The following TEX9 variants were observed in gnomAD, a reference collection of about 807,000 sequenced individuals.
The protein encoded by TEX9 is testis expressed 9.
Under a neutral mutation model 59.6 loss-of-function variants are expected in TEX9, and 74 were observed. The observed-to-expected ratio is 1.24, with a 90% CI of 1.03 to 1.51. The LOEUF is 1.51. Ranked by LOEUF, TEX9 falls within the 40% of genes most tolerant of loss-of-function variation. The pLI, the probability that TEX9 is intolerant of heterozygous loss-of-function variation, is 0.00. For synonymous variants in TEX9, 186 were observed against 152.2 expected (o/e 1.22, Z -1.64); for missense variants, 522 against 447.8 (o/e 1.17, Z -1.49).
chr15:56,442,861 C>T (rs1477554408), intron 12 of TEX9, among the ~76,000 whole-genome samples: 1 of 151,684 alleles, frequency 6.6e-6, no homozygotes, highest in Non-Finnish European at 1.5e-5. Context: ...CTGTAACAAA[C>T]CAGCACATGT....
chr15:56,400,357 A>G (rs559224471), intron 9 of TEX9, among the ~76,000 whole-genome samples: 1 of 152,360 alleles, frequency 6.6e-6, no homozygotes, highest in African/African-American at 2.4e-5. Context: ...TCAATAGCCA[A>G]TTTGATCAAG....
At chr15:56,267,332 T>C (rs1186627321) in intron 1 of TEX9, among the ~76,000 whole-genome samples, 1 of 152,250 alleles carries the variant, frequency 6.6e-6, no homozygotes, top group African/African-American at 2.4e-5. Flanking sequence ...TTTAGTTTAA[T>C]TAGATCCCAT....
At chr15:56,438,303 A>G (rs867944050) in intron 12 of TEX9, among the ~76,000 whole-genome samples, 37 of 152,306 alleles carry the variant, frequency 2.4e-4, no homozygotes, top group South Asian at 1.0e-3. Context: ...GCCCTCAGAA[A>G]TAGTACCACA....
At chr15:56,364,344 G>A (rs2046852140), upstream of TEX9, among the ~76,000 whole-genome samples, 1 of 151,364 alleles carries the variant, frequency 6.6e-6, no homozygotes, top group Admixed American at 6.6e-5. Context: ...GGAGTGGCGG[G>A]GTTTCTCCAT....
At chr15:56,268,327 G>A (rs2044439357) in intron 1 of TEX9, among the ~76,000 whole-genome samples, 2 of 152,048 alleles carry the variant, frequency 1.3e-5, no homozygotes, top group African/African-American at 4.8e-5. Context: ...TCTTTCTCTT[G>A]CCTGGTTGCC....
At chr15:56,426,015 C>T (rs1242247412) in intron 10 of TEX9, among the ~76,000 whole-genome samples, 1 of 152,180 alleles carries the variant, frequency 6.6e-6, no homozygotes, top group African/African-American at 2.4e-5. Flanking sequence ...CTCACTACTT[C>T]TTCTCAGAGA....
chr15:56,279,136 C>G (rs1328111247), intron 1 of TEX9, among the ~76,000 whole-genome samples: 5 of 152,032 alleles, frequency 3.3e-5, no homozygotes, highest in Non-Finnish European at 7.4e-5. Flanking sequence ...CATGTACTTG[C>G]CAGTGACAAG....
At chr15:56,443,763 GTTTCT>G in intron 12 of TEX9, 1 of 1,612,738 alleles carries the variant, frequency 6.2e-7, no homozygotes, top group Non-Finnish European at 8.5e-7. Context: ...ATCTCCTCAC[GTTTCT>G]TTTTTCTCCA....
chr15:56,383,916 T>TC, intron 3 of TEX9, 36 bp from the exon 4 acceptor site: 1 of 1,508,714 alleles, frequency 6.6e-7, no homozygotes, highest in Non-Finnish European at 9.1e-7. Flanking sequence ...TGGTTTTTTT[T>TC]CTATATGATA....
At chr15:56,251,372 C>G (rs1332369928) in intron 1 of TEX9, among the ~76,000 whole-genome samples, 1 of 152,178 alleles carries the variant, frequency 6.6e-6, no homozygotes, top group Non-Finnish European at 1.5e-5. Context: ...CCATCCTTGT[C>G]TCTTGTAACC....
At chr15:56,406,995 C>T (rs1373228108) in intron 9 of TEX9, among the ~76,000 whole-genome samples, 1 of 151,956 alleles carries the variant, frequency 6.6e-6, no homozygotes, top group Non-Finnish European at 1.5e-5. Context: ...GTGGTTGGTG[C>T]TTTTTTCCCC....
chr15:56,329,280 C>G (rs74494114), intron 1 of TEX9, among the ~76,000 whole-genome samples: 3,616 of 152,258 alleles, frequency 0.024, 53 homozygotes, highest in Non-Finnish European at 0.037. Flanking sequence ...CAACACCTTT[C>G]AAATACCTGG....
At chr15:56,434,150 G>C in intron 12 of TEX9, 1 of 1,610,012 alleles carries the variant, frequency 6.2e-7, no homozygotes, top group Non-Finnish European at 8.5e-7. Context: ...TGTCTGCAAG[G>C]AATTGTTGGC....
chr15:56,375,085 G>A (rs955713649), intron 3 of TEX9, among the ~76,000 whole-genome samples: 25 of 152,114 alleles, frequency 1.6e-4, no homozygotes, highest in Non-Finnish European at 2.4e-4. Context: ...CTGAGGAATC[G>A]CCACACTGAC....
upstream of TEX9, among the ~76,000 whole-genome samples, chr15:56,364,140 A>AT (rs200071666): frequency 1.5e-4 from 22 of 150,008 alleles, no homozygotes; most frequent in Non-Finnish European, 2.1e-4. Flanking sequence ...TAGTTTATCT[A>AT]TTTTTTTTTC....
intron 10 of TEX9, among the ~76,000 whole-genome samples, chr15:56,416,154 G>C (rs2049674155): frequency 6.6e-6 from 1 of 151,840 alleles, no homozygotes; most frequent in South Asian, 2.1e-4. Flanking sequence ...TCTAGATATA[G>C]AATTACGCCG....
At chr15:56,280,044 G>A (rs775152107) in intron 1 of TEX9, among the ~76,000 whole-genome samples, 13 of 152,216 alleles carry the variant, frequency 8.5e-5, no homozygotes, top group Non-Finnish European at 1.2e-4. Context: ...ACAGTGTACT[G>A]TATTGCCAGA....
At chr15:56,370,121 A>G (rs1352644058) in intron 2 of TEX9, among the ~76,000 whole-genome samples, 4 of 151,884 alleles carry the variant, frequency 2.6e-5, no homozygotes, top group Non-Finnish European at 5.9e-5. Context: ...TGTCTTAGCC[A>G]CCTTATTTTT....
At chr15:56,273,759 T>C (rs1185129567) in intron 1 of TEX9, among the ~76,000 whole-genome samples, 4 of 152,258 alleles carry the variant, frequency 2.6e-5, no homozygotes, top group African/African-American at 7.2e-5. Flanking sequence ...CTTTCCATTC[T>C]TTTCTAGCTT....
Sources: allele counts gnomAD v4.1 joint callset (sites outside exome capture counted in the v4.1 genomes callset), GRCh38; gene constraint gnomAD v4.1.1; transcripts MANE v1.5; gene names NCBI Gene and HGNC (gene_info 2026-07-23, HGNC 2026-07-21).